ZNF169: variants seen among roughly 807,000 people sequenced by gnomAD.
ZNF169 encodes zinc finger protein 169.
ZNF169 carries 11 observed loss-of-function variants against 12.0 expected under a neutral mutation model. The ratio of observed to expected loss-of-function variants is 0.92; its 90% CI spans 0.58 to 1.52. ZNF169 has a LOEUF of 1.52. Ranked by LOEUF, ZNF169 falls within the 40% of genes most tolerant of loss-of-function variation. ZNF169 has a pLI of 0.00. For missense variants in ZNF169, 722 were observed against 744.0 expected (o/e 0.97, Z 0.34); for synonymous variants, 302 against 286.5 (o/e 1.05, Z -0.55).
intron 2 of ZNF169, 81 bp from the exon 3 acceptor site, chr9:94,292,260 G>T: frequency 1.2e-6 from 2 of 1,611,428 alleles, no homozygotes; most frequent in African/African-American, 1.3e-5. Context: ...GCTTCTTTCT[G>T]CCTTGACTGT....
chr9:94,265,030 T>TTG (rs201587020), intron 1 of ZNF169, among the ~76,000 whole-genome samples: 2,872 of 148,660 alleles, frequency 0.019, 70 homozygotes, highest in Non-Finnish European at 0.031. Context: ...TGTTTTTTTT[T>TTG]TTTTTTTTTT....
intron 1 of ZNF169, among the ~76,000 whole-genome samples, chr9:94,277,889 G>A (rs1056615277): frequency 2.7e-5 from 4 of 148,700 alleles, no homozygotes; most frequent in Non-Finnish European, 1.5e-5. Context: ...CCGAGATTGC[G>A]CCACTGCACT....
In ZNF169 at chr9:94,267,619, G is replaced by A. The variant is rs375975723; in HGVS notation, c.-56+8274G>A. On this transcript the variant is annotated intron_variant, in intron 1 of 4. Coordinates refer to ENST00000395395, the MANE Select transcript of ZNF169 (RefSeq NM_194320.4). ...AATAGCTCAGAAGAAAAGTTTCCTT[G>A]ACACTGAAAAGCAAAACAAAGGATT... Among the ~76,000 whole-genome samples the A allele has an allele frequency of 2.0e-5, 3 of 152,162 alleles. No homozygotes were observed. The South Asian group carries it at 6.2e-4, about 32-fold the overall frequency.
At chr9:94,283,975 GGCAGGAGAATTGCTTGAACCCA>G (rs1830681070) in intron 2 of ZNF169, among the ~76,000 whole-genome samples, 1 of 150,702 alleles carries the variant, frequency 6.6e-6, no homozygotes, top group South Asian at 2.1e-4. Flanking sequence ...GGGAGGCTGA[GGCAGGAGAATTGCTTGAACCCA>G]GTAGATGGAG....
At chr9:94,271,142 CCAG>C (rs1564083904) in intron 1 of ZNF169, among the ~76,000 whole-genome samples, 4 of 148,034 alleles carry the variant, frequency 2.7e-5, no homozygotes, top group Non-Finnish European at 4.4e-5. Flanking sequence ...CTTGCCTAGG[CCAG>C]AATGCAGTAG....
rs1831019783 is a variant in ZNF169, at chr9:94,299,881, G to A, written c.323G>A (p.Arg108Lys). The change falls in exon 5 of 5, where the codon AGA (arginine) becomes AAA (lysine). Residue 108 changes from arginine to lysine, a missense_variant. Arg to Lys is a conservative substitution (Grantham distance 26, BLOSUM62 2). Transcript: ENST00000395395. The part of the protein sequence containing the change: ...LVAFSSSQLL[R>K]QYALSGHPTQ... ...GCCTTTTCTAGCTCGCAGCTCCTCA[G>A]ACAATATGCGCTAAGTGGCCATCCC... 2 of 1,614,022 alleles carry A rather than the reference G, an allele frequency of 1.2e-6. No individual in the cohort carries two copies. Among genetic ancestry groups the A allele is most frequent in the Non-Finnish European group, 1.7e-6 (2 of 1,180,046 alleles).
At chr9:94,296,405 G>C (rs1830951578) in intron 4 of ZNF169, among the ~76,000 whole-genome samples, 1 of 152,132 alleles carries the variant, frequency 6.6e-6, no homozygotes, top group Admixed American at 6.5e-5. Context: ...ATGAATTGCA[G>C]TTTTGGTAGT....
rs1280195204 is a variant in ZNF169, at chr9:94,278,928, G to A, written c.33+83G>A. 4.9e-6 allele frequency: 7 copies of A among 1,427,098 alleles called. No individual in the cohort carries two copies. In the African/African-American group the frequency reaches 9.9e-5, roughly 20 times the overall value. 88.4% of individuals were successfully genotyped at this position (1,427,098 alleles called of 1,614,324 possible). A position where few individuals can be genotyped will look rare whatever the true frequency, so the allele number is the denominator to read the frequency against. On this transcript the variant is annotated intron_variant, in intron 2 of 4. Coordinates refer to ENST00000395395, the MANE Select transcript of ZNF169 (RefSeq NM_194320.4). ...CCTGAAGGCTGCCTTCTTGGTGTTA[G>A]GCAAAGCCTATCTTGATCTTGTAGG...
Position 94,301,113 on chromosome 9 carries a change from T to C in ZNF169, c.1555T>C (p.Cys519Arg), listed in dbSNP as rs1831063687. Residue 519 changes from cysteine (C) to arginine (R), a missense_variant, in exon 5 of 5, where the codon TGT becomes CGT. Transcript: ENST00000395395. Reference sequence around the variant, plus strand: ...GGAGGAGCTTTACGTAGACAGGGTGTGTGGACAAGGACTTGGCCAGAAGTC... The same window carrying C: ...GGAGGAGCTTTACGTAGACAGGGTGCGTGGACAAGGACTTGGCCAGAAGTC... ...SEEELYVDRVCGQGLGQKSHL... is the reference protein window; with the variant it reads ...SEEELYVDRVRGQGLGQKSHL... The C allele has an allele frequency of 1.2e-6, 2 of 1,614,122 alleles. No homozygotes were observed. The highest frequency in any genetic ancestry group is 1.7e-6 in the Non-Finnish European group (2 of 1,180,030).
intron 1 of ZNF169, among the ~76,000 whole-genome samples, chr9:94,269,986 GTGGAGGCA>G (rs1830362398): frequency 6.6e-6 from 1 of 152,156 alleles, no homozygotes; most frequent in South Asian, 2.1e-4. Flanking sequence ...AAACTTGTTT[GTGGAGGCA>G]TGGGGAGTTT....
rs1434933124 is a variant in ZNF169 at position 94,292,378 on chromosome 9, C to T, written c.71C>T (p.Thr24Ile). Residue 24 changes from threonine (T) to isoleucine (I), a missense_variant, in exon 3 of 5, where the codon ACC becomes ATC. Coordinates refer to ENST00000395395, the MANE Select transcript of ZNF169 (RefSeq NM_194320.4). ...TTCCGGGATGTGGCTGTGGCCTTCA[C>T]CCAGAAGGAGTGGAAGCTATTGAGT... ...MAFRDVAVAF[T>I]QKEWKLLSSA... is the part of the protein sequence containing the mutation. 3 of 1,613,972 alleles carry T rather than the reference C, an allele frequency of 1.9e-6. No homozygotes were observed. Among genetic ancestry groups the T allele is most frequent in the Admixed American group, 3.3e-5 (2 of 59,984 alleles).
intron 4 of ZNF169, chr9:94,293,779 A>C (rs1427057755): frequency 6.6e-6 from 1 of 152,476 alleles, no homozygotes; most frequent in Non-Finnish European, 1.5e-5. Flanking sequence ...GTAAATTCTC[A>C]TAACTTTGTT....
intron 4 of ZNF169, chr9:94,299,350 C>T (rs761025267): frequency 2.1e-5 from 9 of 425,752 alleles, no homozygotes; most frequent in Non-Finnish European, 3.6e-5. Context: ...ACTTGAGTCA[C>T]CACAGTCAAG....
intron 2 of ZNF169, among the ~76,000 whole-genome samples, chr9:94,291,593 C>T (rs1830839362): frequency 1.3e-5 from 2 of 152,042 alleles, no homozygotes; most frequent in Non-Finnish European, 2.9e-5. Context: ...GGAAAAAAAG[C>T]TTTTAAAGCT....
chr9:94,279,849 G>C (rs1333890971), intron 2 of ZNF169, among the ~76,000 whole-genome samples: 2 of 152,144 alleles, frequency 1.3e-5, no homozygotes, highest in Non-Finnish European at 1.5e-5. Flanking sequence ...ACTTTATAAA[G>C]TGAGTTTTCT....
At chr9:94,267,817 C>A (rs11533012) in intron 1 of ZNF169, among the ~76,000 whole-genome samples, 17,872 of 149,684 alleles carry the variant, frequency 0.12, 1,656 homozygotes, top group East Asian at 0.38. Flanking sequence ...AACCTGCATT[C>A]AAAAGCACCT....
At chr9:94,287,164 C>A (rs1323284700) in intron 2 of ZNF169, among the ~76,000 whole-genome samples, 1 of 152,182 alleles carries the variant, frequency 6.6e-6, no homozygotes, top group African/African-American at 2.4e-5. Flanking sequence ...GAAGGGCCAC[C>A]ATGTTCCCTC....
intron 2 of ZNF169, among the ~76,000 whole-genome samples, chr9:94,280,197 G>C (rs548283891): frequency 6.6e-6 from 1 of 152,216 alleles, no homozygotes; most frequent in Non-Finnish European, 1.5e-5. Flanking sequence ...TTATGAGAAC[G>C]TCACTGAGAG....
intron 2 of ZNF169, chr9:94,288,077 C>G: frequency 2.5e-6 from 2 of 793,772 alleles, no homozygotes; most frequent in Non-Finnish European, 4.5e-6. Flanking sequence ...ACTTTGCATT[C>G]TCAAAATTCA....
Sources: allele counts gnomAD v4.1 joint callset (sites outside exome capture counted in the v4.1 genomes callset), GRCh38; gene constraint gnomAD v4.1.1; transcripts MANE v1.5; gene names NCBI Gene and HGNC (gene_info 2026-07-23, HGNC 2026-07-21).